ANKFN1: variants seen among roughly 807,000 people sequenced by gnomAD.
ANKFN1 encodes ankyrin repeat and fibronectin type-III domain-containing protein 1.
In ANKFN1, 74 loss-of-function variants were observed where a neutral mutation model predicts 108.7. The ratio of observed to expected loss-of-function variants is 0.68; its 90% confidence interval spans 0.56 to 0.83. ANKFN1 has a LOEUF of 0.83. ANKFN1 is among the 40% of genes least tolerant of loss of function. ANKFN1 has a pLI of 0.00. For synonymous variants in ANKFN1, 547 were observed against 516.2 expected (o/e 1.06, Z -0.81); for missense variants, 1,505 against 1,382.3 (o/e 1.09, Z -1.41).
intron 3 of ANKFN1, among the ~76,000 whole-genome samples, chr17:56,283,753 G>C (rs1478106300): frequency 6.6e-6 from 1 of 151,894 alleles, no homozygotes. Context: ...GGGTGGGAGG[G>C]GGGTGAGGGA....
intron 17 of ANKFN1, 32 bp from the exon 18 acceptor site, chr17:56,482,324 C>T: frequency 1.3e-6 from 2 of 1,540,324 alleles, no homozygotes; most frequent in Non-Finnish European, 1.8e-6. Context: ...TTGTAACTCT[C>T]CTATTTTTCC....
intron 3 of ANKFN1, among the ~76,000 whole-genome samples, chr17:56,243,638 C>G (rs1420309487): frequency 1.3e-5 from 2 of 152,090 alleles, no homozygotes; most frequent in Non-Finnish European, 2.9e-5. Context: ...CTCCCTAATT[C>G]TAGTCCTTCC....
intron 3 of ANKFN1, chr17:56,245,879 A>G (rs1333201351): frequency 6.6e-6 from 1 of 152,048 alleles, no homozygotes; most frequent in Non-Finnish European, 1.5e-5. Context: ...TTAATAGGAG[A>G]GCTTTGTTAC....
intron 18 of ANKFN1, among the ~76,000 whole-genome samples, chr17:56,484,636 G>A (rs7208177): frequency 0.11 from 16,239 of 152,206 alleles, 2,315 homozygotes; most frequent in African/African-American, 0.33. Flanking sequence ...CAGTAGAAAC[G>A]CAGGAGAGAA....
chr17:56,389,141 C>A (rs2047359826), intron 8 of ANKFN1, among the ~76,000 whole-genome samples: 1 of 152,072 alleles, frequency 6.6e-6, no homozygotes, highest in Admixed American at 6.5e-5. Context: ...TACCTAATAG[C>A]CAAATTGGAA....
chr17:56,266,446 A>G (rs1315972231), intron 3 of ANKFN1, among the ~76,000 whole-genome samples: 2 of 152,020 alleles, frequency 1.3e-5, no homozygotes, highest in African/African-American at 4.8e-5. Context: ...ATCTTTCTCC[A>G]CTAGCAATTA....
intron 1 of ANKFN1, among the ~76,000 whole-genome samples, chr17:56,170,286 A>G (rs1324989228): frequency 6.6e-6 from 1 of 152,168 alleles, no homozygotes; most frequent in Non-Finnish European, 1.5e-5. Context: ...ATACCTGCCC[A>G]GAGAGTAAGA....
In ANKFN1 at chr17:56,063,036, G is replaced by T. The variant is rs531469446; in HGVS notation, c.288+16711G>T. Among the ~76,000 whole-genome samples, 457 of 152,276 alleles carry T rather than the reference G, an allele frequency of 3.0e-3. 1 individual carries two copies. The highest frequency in any genetic ancestry group is 5.2e-3 in the Admixed American group (79 of 15,298). Reference sequence around the variant, plus strand: ...CTCAGAGGAAAATTCTTTTCTTTAAGAACGTTGAATATTGTCCCCCAATCT... The same window carrying T: ...CTCAGAGGAAAATTCTTTTCTTTAATAACGTTGAATATTGTCCCCCAATCT... On this transcript the variant is annotated intron_variant, in intron 4 of 12. Coordinates refer to the ANKFN1 transcript ENST00000635860.
intron 4 of ANKFN1, among the ~76,000 whole-genome samples, chr17:56,335,573 G>A (rs894252406): frequency 7.2e-5 from 11 of 152,304 alleles, no homozygotes; most frequent in South Asian, 2.1e-4. Context: ...TTTGTATCCC[G>A]AGACTTTGCT....
chr17:56,361,773 G>A (rs60229359), intron 6 of ANKFN1, among the ~76,000 whole-genome samples: 3,991 of 151,994 alleles, frequency 0.026, 166 homozygotes, highest in African/African-American at 0.091. Context: ...CCCCACTTCC[G>A]AGCTTACTCA....
At chr17:56,222,633 T>C (rs887212994) in intron 2 of ANKFN1, among the ~76,000 whole-genome samples, 1 of 152,152 alleles carries the variant, frequency 6.6e-6, no homozygotes, top group African/African-American at 2.4e-5. Context: ...CTCAAAAATA[T>C]TGCTGAAAAC....
intron 4 of ANKFN1, among the ~76,000 whole-genome samples, chr17:56,070,335 T>A (rs1403330915): frequency 6.6e-6 from 1 of 152,186 alleles, no homozygotes; most frequent in Non-Finnish European, 1.5e-5. Context: ...CAGGAGTTCC[T>A]TGGCATGGAG....
intron 4 of ANKFN1, among the ~76,000 whole-genome samples, chr17:56,075,467 T>C (rs1389239512): frequency 6.6e-6 from 1 of 152,124 alleles, no homozygotes; most frequent in Admixed American, 6.5e-5. Context: ...TTTTTCTCCA[T>C]AGTGTCCTAA....
chr17:56,392,910 G>T (rs138707126), intron 8 of ANKFN1, among the ~76,000 whole-genome samples: 3 of 152,140 alleles, frequency 2.0e-5, no homozygotes, highest in African/African-American at 7.2e-5. Context: ...ATATGCAAAA[G>T]CTCCCTGATG....
At chr17:56,167,813 GGA>G (rs1910294538) in intron 1 of ANKFN1, among the ~76,000 whole-genome samples, 1 of 152,058 alleles carries the variant, frequency 6.6e-6, no homozygotes, top group Non-Finnish European at 1.5e-5. Context: ...AGGGGAAGAG[GGA>G]GAGAGAGTGT....
chr17:56,360,542 C>G (rs748065427), intron 6 of ANKFN1, among the ~76,000 whole-genome samples: 3 of 152,160 alleles, frequency 2.0e-5, no homozygotes, highest in Non-Finnish European at 4.4e-5. Flanking sequence ...TTCCAAAGGA[C>G]AGCACCTCTC....
intron 4 of ANKFN1, among the ~76,000 whole-genome samples, chr17:56,139,770 A>C (rs530955814): frequency 6.6e-6 from 1 of 152,100 alleles, no homozygotes; most frequent in Non-Finnish European, 1.5e-5. Context: ...CCGTAGCCTC[A>C]TTGCAGCATT....
rs1039555051 is a variant in ANKFN1, at chr17:56,101,258, C to T, written c.288+54933C>T. On this transcript the variant is annotated intron_variant, in intron 4 of 12. Coordinates refer to the ANKFN1 transcript ENST00000635860. Reference sequence around the variant, plus strand: ...ATTCTGTTACAGCAACCTGAAATGACAAAGACAATTGTCTTCTTACAATTC... The same window carrying T: ...ATTCTGTTACAGCAACCTGAAATGATAAAGACAATTGTCTTCTTACAATTC... Among the ~76,000 whole-genome samples, 7 of 152,162 alleles carry T rather than the reference C, an allele frequency of 4.6e-5. No individual in the cohort carries two copies. In the East Asian group the frequency reaches 1.3e-3, roughly 29 times the overall value.
At chr17:56,371,787 A>G (rs971093129) in intron 6 of ANKFN1, among the ~76,000 whole-genome samples, 4 of 152,216 alleles carry the variant, frequency 2.6e-5, no homozygotes, top group Non-Finnish European at 5.9e-5. Context: ...AGAAAGGGAG[A>G]CATACATTCC....
Sources: gnomAD v4.1 joint callset for allele counts (sites outside exome capture counted in the v4.1 genomes callset) on GRCh38, gnomAD v4.1.1 for gene constraint, MANE v1.5 for transcripts, NCBI Gene and HGNC (gene_info 2026-07-23, HGNC 2026-07-21) for gene names.